TMEM63A: variants seen among roughly 807,000 people sequenced by gnomAD.
TMEM63A encodes the protein transmembrane protein 63A, also known as mechanosensitive cation channel TMEM63A.
Under a neutral mutation model 100.6 loss-of-function variants are expected in TMEM63A, and 76 were observed. The observed-to-expected ratio is 0.76, with a 90% CI of 0.63 to 0.91. The LOEUF (loss-of-function observed/expected upper bound fraction) is 0.91. TMEM63A is among the 40% of genes least tolerant of loss of function. The pLI, the probability that TMEM63A is intolerant of heterozygous loss-of-function variation, is 0.00. For missense variants in TMEM63A, 876 were observed against 1,008.8 expected (o/e 0.87, Z 1.78); for synonymous variants, 401 against 401.1 (o/e 1.00, Z 0.00).
intron 6 of TMEM63A, among the ~76,000 whole-genome samples, chr1:225,870,546 A>G (rs12082207): frequency 0.037 from 5,577 of 152,112 alleles, 315 homozygotes; most frequent in African/African-American, 0.13. Context: ...GGCCCCATTG[A>G]AAAAAAGAAA....
At chr1:225,844,948 T>C (rs949876502), downstream of TMEM63A, among the ~76,000 whole-genome samples, 1 of 152,108 alleles carries the variant, frequency 6.6e-6, no homozygotes, top group African/African-American at 2.4e-5. Flanking sequence ...CCCATGCCCC[T>C]GCCTGGGTGG....
At chr1:225,859,459 GT>G in intron 14 of TMEM63A, 110 bp from the exon 15 acceptor site, 1 of 1,365,070 alleles carries the variant, frequency 7.3e-7, no homozygotes, top group Non-Finnish European at 1.0e-6. Context: ...CTGGGGGCAA[GT>G]TCTCTGCACT....
At chr1:225,877,650 G>C (rs991348056) in intron 2 of TMEM63A, 56 bp from the exon 3 acceptor site, 3 of 1,507,506 alleles carry the variant, frequency 2.0e-6, no homozygotes, top group Non-Finnish European at 1.8e-6. Flanking sequence ...TTTCTTGCAG[G>C]TTCCCACCAG....
rs1669238317 is a variant in TMEM63A at position 225,849,986 on chromosome 1, G to A, written c.1997C>T (p.Ala666Val). 6.2e-7 allele frequency: 1 copy of A among 1,614,116 alleles called. No individual in the cohort carries two copies. The highest frequency in any genetic ancestry group is 1.7e-5 in the Admixed American group (1 of 59,990). ...GGCTGCCAAGGCCTGGTTCACAGCG[G>A]CAAAGTGGATCCCCTTCTCCAGCTT... The part of the protein sequence containing the change: ...PAKLEKGIHF[A>V]AVNQALAAPI... Residue 666 changes from alanine (A) to valine (V), a missense_variant, in exon 21 of 25, where the codon GCC becomes GTC. Transcript: ENST00000366835.
downstream of TMEM63A, among the ~76,000 whole-genome samples, chr1:225,841,898 C>T (rs1668462663): frequency 6.6e-6 from 1 of 152,238 alleles, no homozygotes; most frequent in African/African-American, 2.4e-5. Context: ...GCCAATGCCC[C>T]CAGCCTGTTC....
At chr1:225,844,448 C>T, downstream of TMEM63A, 3 of 1,611,618 alleles carry the variant, frequency 1.9e-6, no homozygotes, top group Non-Finnish European at 2.5e-6. Flanking sequence ...CCCTTTGTCA[C>T]ACAACTGCAT....
chr1:225,856,752 A>T lies in TMEM63A; in HGVS notation c.1485-14T>A, dbSNP rs376958466. The T allele has an allele frequency of 4.9e-4, 783 of 1,611,816 alleles. No homozygotes were observed. Among genetic ancestry groups the T allele is most frequent in the Non-Finnish European group, 6.5e-4 (763 of 1,179,230 alleles). On this transcript the variant is annotated splice_polypyrimidine_tract_variant and intron_variant, in intron 16 of 24. Transcript: ENST00000366835. ...TTTTCCCCCGACCTGCAGGAAGTCA[A>T]AGGTGAGCACTCGCAGTCCCCCAAA...
chr1:225,857,390 G>A lies in TMEM63A; in HGVS notation c.1378-373C>T, dbSNP rs938270074. On this transcript the variant is annotated intron_variant, in intron 15 of 24. Transcript: ENST00000366835. ...GGAGTCCTGGCCGGCGGGGCGGGGGGGGGGGGGTGCCCTGCCTGCTCAGCT... is the reference window on the plus strand; with the variant it reads ...GGAGTCCTGGCCGGCGGGGCGGGGGAGGGGGGGTGCCCTGCCTGCTCAGCT... 1.8e-3 allele frequency among the ~76,000 whole-genome samples: 244 copies of A among 137,872 alleles called. 10 individuals carry two copies. The highest frequency in any genetic ancestry group is 6.4e-3 in the African/African-American group (234 of 36,554). The allele number at this position is 137,872 out of a possible 152,430, so 90.4% of individuals were successfully genotyped here.
chr1:225,874,932 C>T (rs1367830935), intron 3 of TMEM63A, among the ~76,000 whole-genome samples: 3 of 152,194 alleles, frequency 2.0e-5, no homozygotes, highest in Non-Finnish European at 4.4e-5. Context: ...CAGGGTTTCA[C>T]CATATTGGTC....
intron 4 of TMEM63A, among the ~76,000 whole-genome samples, 169 bp downstream of exon 4, chr1:225,874,119 T>C (rs1392254757): frequency 2.0e-5 from 3 of 152,196 alleles, no homozygotes; most frequent in Non-Finnish European, 4.4e-5. Flanking sequence ...GTGTCATGTG[T>C]GGGTCCTGCC....
chr1:225,842,380 G>T (rs746819571), downstream of TMEM63A: 20 of 1,613,062 alleles, frequency 1.2e-5, no homozygotes, highest in Non-Finnish European at 1.5e-5. Flanking sequence ...TGCTCTGAAT[G>T]ACTCTCCTGT....
intron 3 of TMEM63A, among the ~76,000 whole-genome samples, 187 bp from the exon 4 acceptor site, chr1:225,874,554 C>T (rs1670679944): frequency 6.6e-6 from 1 of 152,250 alleles, no homozygotes. Flanking sequence ...TTGCTCACCC[C>T]CTTCACCAGG....
chr1:225,853,932 A>T lies in TMEM63A; in HGVS notation c.1635-141T>A. The T allele has an allele frequency of 3.6e-6, 3 of 824,506 alleles. No individual in the cohort carries two copies. The highest frequency in any genetic ancestry group is 5.4e-6 in the Non-Finnish European group (3 of 553,956). The allele number at this position is 824,506 out of a possible 1,614,324, so 51.1% of individuals were successfully genotyped here. On this transcript the variant is annotated intron_variant, in intron 18 of 24. Coordinates refer to ENST00000366835, the MANE Select transcript of TMEM63A (RefSeq NM_014698.3). This position sits in a 1 kb window ranked among gnomAD's most constrained non-coding sequence, Gnocchi z 4.0. ...CATTCAGCACATATTTGGGAAACAC[A>T]TCTGTGTGCCAAGCACCTTTCTAGG...
At position 225,862,548 on chromosome 1, in the gene TMEM63A, G is replaced by GT; in HGVS notation, c.857dup (p.Tyr286Ter). 7.4e-6 allele frequency: 12 copies of GT among 1,614,068 alleles called. No homozygotes were observed. Among genetic ancestry groups the GT allele is most frequent in the Non-Finnish European group, 1.0e-5 (12 of 1,179,994 alleles). ...GGCCTGTCTTCACCTGCAGGTTTGTGTAATAGGTCAGGCTCTTCTCAGTCT... is the reference window on the plus strand; with the variant it reads ...GGCCTGTCTTCACCTGCAGGTTTGTGTTAATAGGTCAGGCTCTTCTCAGTCT... The part of the protein sequence containing the change: ...KKKTEKSLTY[Y>*]TNLQVKTGQR... The change falls in exon 12 of 25, where the codon TAC becomes TAAC. Residue 286 changes from tyrosine to a stop codon, truncating the protein, a stop_gained and frameshift_variant. Transcript: ENST00000366835. LOFTEE classifies it high-confidence loss of function. This position sits in a 1 kb window ranked among gnomAD's most constrained non-coding sequence, Gnocchi z 5.1.
At chr1:225,877,332 C>CATTTAGACTTCTCATCTAAGTTT (rs1670855717) in intron 3 of TMEM63A, 63 bp downstream of exon 3, 1 of 1,538,166 alleles carries the variant, frequency 6.5e-7, no homozygotes, top group Admixed American at 1.9e-5. Flanking sequence ...TCCCAGAAGG[C>CATTTAGACTTCTCATCTAAGTTT]CCTGGGTGGG....
chr1:225,848,635 A>G, intron 22 of TMEM63A, 81 bp from the exon 23 acceptor site: 1 of 1,447,900 alleles, frequency 6.9e-7, no homozygotes. Flanking sequence ...ACAGACTATT[A>G]ACACCCGGAA....
downstream of TMEM63A, among the ~76,000 whole-genome samples, chr1:225,843,877 T>C (rs907632370): frequency 3.3e-5 from 5 of 152,186 alleles, no homozygotes; most frequent in African/African-American, 1.2e-4. Context: ...CAAAATCACA[T>C]TGAAAAGGCT....
intron 15 of TMEM63A, among the ~76,000 whole-genome samples, chr1:225,857,552 T>C (rs1392501066): frequency 6.6e-6 from 1 of 152,120 alleles, no homozygotes; most frequent in Non-Finnish European, 1.5e-5. Context: ...AGAAATTTTC[T>C]TTGAAAACTA....
chr1:225,874,810 A>G (rs1008482604), intron 3 of TMEM63A, among the ~76,000 whole-genome samples: 1 of 152,174 alleles, frequency 6.6e-6, no homozygotes, highest in African/African-American at 2.4e-5. Context: ...CTTTCGGCTC[A>G]CTGCAACTTC....
Sources: gnomAD v4.1 joint callset for allele counts (sites outside exome capture counted in the v4.1 genomes callset) on GRCh38, gnomAD v4.1.1 for gene constraint, Gnocchi (gnomAD v3.1) non-coding constraint, MANE v1.5 for transcripts, NCBI Gene and HGNC (gene_info 2026-07-23, HGNC 2026-07-21) for gene names.